NCOR2: variants seen among roughly 807,000 people sequenced by gnomAD.
NCOR2 encodes the protein CTG repeat protein 26.
Under a neutral mutation model 262.9 loss-of-function variants are expected in NCOR2, and 81 were observed. The ratio of observed to expected loss-of-function variants is 0.31; its 90% CI spans 0.26 to 0.37. NCOR2 has a LOEUF of 0.37. Ranked by LOEUF, NCOR2 falls within the 10% of genes least tolerant of loss-of-function variation. NCOR2 has a pLI of 1.00. For missense variants in NCOR2, 3,385 were observed against 3,621.4 expected, an observed-to-expected ratio of 0.93 and a Z score of 1.68; for synonymous variants, 1,659 against 1,559.3, an observed-to-expected ratio of 1.06 and a Z score of -1.51.
rs769821029 is a variant in NCOR2, at chr12:124,531,225, A to G, written c.-118+4340T>C. Among the ~76,000 whole-genome samples the G allele has an allele frequency of 1.3e-5, 2 of 152,212 alleles. No homozygotes were observed. Among genetic ancestry groups the G allele is most frequent in the Admixed American group, 1.3e-4 (2 of 15,294 alleles). On this transcript the variant is annotated intron_variant, in intron 1 of 46. Transcript: ENST00000404621. This position sits in a 1 kb window ranked among gnomAD's most constrained non-coding sequence, Gnocchi z 4.5. ...GCCAGAGCCCACCCGTTTATGAAAGAAAATGATAATAATAATAGAAGGACA... is the reference window on the plus strand; with the variant it reads ...GCCAGAGCCCACCCGTTTATGAAAGGAAATGATAATAATAATAGAAGGACA...
chr12:124,429,627 G>T (rs1301734474), exon 10 of NCOR2: 39 of 1,606,340 alleles, frequency 2.4e-5, no homozygotes, highest in Non-Finnish European at 3.1e-5. Context: ...TGCTCTGAGA[G>T]GCCATCGATG....
At chr12:124,557,790 T>C (rs701025) in intron 1 of NCOR2, among the ~76,000 whole-genome samples, 31,056 of 151,932 alleles carry the variant, frequency 0.2, 3,317 homozygotes, top group African/African-American at 0.24. Flanking sequence ...CCTCCCCTGG[T>C]TTACCCAGCA....
intron 1 of NCOR2, among the ~76,000 whole-genome samples, chr12:124,524,571 C>G (rs886464678): frequency 5.3e-5 from 8 of 152,228 alleles, no homozygotes; most frequent in Non-Finnish European, 1.2e-4. Flanking sequence ...CTCCCAGAGG[C>G]ATTGTTTGAG....
rs1037799677 is a variant in NCOR2, at chr12:124,482,237, C to T, written c.411+1359G>A. 6.6e-6 allele frequency among the ~76,000 whole-genome samples: 1 copy of T among 152,138 alleles called. No homozygotes were observed. The highest frequency in any genetic ancestry group is 6.5e-5 in the Admixed American group (1 of 15,280). On this transcript the variant is annotated intron_variant, in intron 3 of 46. Coordinates refer to ENST00000405201, the Ensembl canonical transcript of NCOR2. The surrounding 1 kb of genome is among the most constrained non-coding windows in gnomAD (Gnocchi z 6.3). ...AAGCCAGCCAACGACCACACAGACACCCCAGCCCCTCCCTCCCCTGGCCCC... is the reference window on the plus strand; with the variant it reads ...AAGCCAGCCAACGACCACACAGACATCCCAGCCCCTCCCTCCCCTGGCCCC...
rs1415238711 is a variant in NCOR2, at chr12:124,400,528, T to A, written c.1786A>T (p.Ile596Phe). 4.3e-6 allele frequency: 7 copies of A among 1,613,964 alleles called. No individual in the cohort carries two copies. In the African/African-American group the frequency reaches 5.3e-5, roughly 12 times the overall value. Residue 596 changes from isoleucine to phenylalanine, a missense_variant, in exon 15 of 47, where the codon ATC becomes TTC. Ile to Phe is a conservative substitution (Grantham distance 21). This residue lies in a region of NCOR2 where 515 missense variants were observed against 781.2 expected (regional missense o/e 0.66). Coordinates refer to ENST00000405201, the Ensembl canonical transcript of NCOR2. ...AGCTCGGCGCTCTGCTGGGGGGTGA[T>A]GGCCTCCTCGCTGTTGGCCTCATTA...
At chr12:124,332,588 C>G (rs116572756) in intron 42 of NCOR2, 121 bp from the exon 45 acceptor site, 9 of 1,247,458 alleles carry the variant, frequency 7.2e-6, no homozygotes, top group East Asian at 2.4e-5. Flanking sequence ...CCCGCCCCCA[C>G]GCCTGCATCC....
exon 20 of NCOR2, chr12:124,372,295 GGCTTCTGCTCCTCCC>G (rs762533076): frequency 1.3e-6 from 2 of 1,540,978 alleles, no homozygotes; most frequent in Non-Finnish European, 8.7e-7. Flanking sequence ...AGCCGCGGGG[GGCTTCTGCTCCTCCC>G]CCTCCTCCAC....
intron 18 of NCOR2, among the ~76,000 whole-genome samples, chr12:124,375,362 G>T (rs1052443768): frequency 2.6e-5 from 4 of 152,178 alleles, no homozygotes; most frequent in Non-Finnish European, 4.4e-5. Flanking sequence ...TTATCAAGGG[G>T]GTCTGGGGCA....
chr12:124,515,164 C>G (rs192381454), intron 1 of NCOR2, among the ~76,000 whole-genome samples: 309 of 152,236 alleles, frequency 2.0e-3, no homozygotes, highest in African/African-American at 7.0e-3. Flanking sequence ...TCCAAGGGAC[C>G]AAGCTCAGTT....
rs1409802070 is a variant in NCOR2 at position 124,566,343 on chromosome 12, A to G, written c.-165+965T>C. ...CGGGAGGACACTCGCTTCCAAAAAA[A>G]TAAACCTACAATGTAAAAATAACGC... On this transcript the variant is annotated intron_variant, in intron 1 of 32. Transcript: ENST00000458234. This position sits in a 1 kb window ranked among gnomAD's most constrained non-coding sequence, Gnocchi z 4.3. Among the ~76,000 whole-genome samples the G allele has an allele frequency of 2.0e-5, 3 of 152,202 alleles. No individual in the cohort carries two copies. The highest frequency in any genetic ancestry group is 4.4e-5 in the Non-Finnish European group (3 of 68,028).
In NCOR2 at chr12:124,354,811, C is replaced by G. The variant is rs1005023860; in HGVS notation, c.3484+26G>C. The G allele has an allele frequency of 3.1e-6, 5 of 1,606,084 alleles. No homozygotes were observed. In the African/African-American group the frequency reaches 5.4e-5, roughly 17 times the overall value. ...ACAGCCAGAGCCCAGCCTGAGCCAC[C>G]CAGACGGATGGGCCAGGAGCCTTAC... On this transcript the variant is annotated intron_variant, in intron 25 of 46. Transcript: ENST00000405201.
chr12:124,433,414 C>T (rs768172662), intron 8 of NCOR2, among the ~76,000 whole-genome samples: 4 of 152,268 alleles, frequency 2.6e-5, no homozygotes, highest in South Asian at 2.1e-4. Context: ...TGCAGACCAG[C>T]GGGCGGAAGC....
chr12:124,489,149 C>T (rs932486269), intron 1 of NCOR2, among the ~76,000 whole-genome samples: 6 of 152,048 alleles, frequency 3.9e-5, no homozygotes, highest in Admixed American at 3.9e-4. Context: ...AGAAACTGAC[C>T]TGAGGTGGAG....
At chr12:124,493,962 G>A (rs2048235982) in intron 1 of NCOR2, among the ~76,000 whole-genome samples, 1 of 152,138 alleles carries the variant, frequency 6.6e-6, no homozygotes. Flanking sequence ...CTCTTTCACA[G>A]GGCCGCCCAG....
chr12:124,458,147 G>A (rs983002800), intron 5 of NCOR2, among the ~76,000 whole-genome samples: 1 of 152,234 alleles, frequency 6.6e-6, no homozygotes, highest in South Asian at 2.1e-4. Flanking sequence ...CGGACAGGCC[G>A]CAGAAGTCAC....
chr12:124,561,199 G>A (rs2052058917), intron 1 of NCOR2, among the ~76,000 whole-genome samples: 1 of 152,212 alleles, frequency 6.6e-6, no homozygotes, highest in Admixed American at 6.5e-5. Context: ...TCCTGCTCCA[G>A]GAGAAGTGAC....
At chr12:124,557,516 C>A (rs1421424656) in intron 1 of NCOR2, among the ~76,000 whole-genome samples, 1 of 152,150 alleles carries the variant, frequency 6.6e-6, no homozygotes, top group African/African-American at 2.4e-5. Context: ...TTAGGGCCCA[C>A]CCTGCTCCAG....
At chr12:124,511,844 C>T (rs1304141783) in intron 1 of NCOR2, among the ~76,000 whole-genome samples, 2 of 152,212 alleles carry the variant, frequency 1.3e-5, no homozygotes, top group Non-Finnish European at 2.9e-5. Context: ...AGACTGGCGT[C>T]GCCAGCTGTG....
intron 17 of NCOR2, among the ~76,000 whole-genome samples, chr12:124,381,721 C>T (rs1371001163): frequency 6.6e-6 from 1 of 152,216 alleles, no homozygotes; most frequent in Non-Finnish European, 1.5e-5. Flanking sequence ...GCCTGTGCAG[C>T]CTCAGGTAGA....
Sources: gnomAD v4.1 joint callset for allele counts (sites outside exome capture counted in the v4.1 genomes callset) on GRCh38, gnomAD v4.1.1 for gene constraint, gnomAD v4.1.1 regional missense constraint, Gnocchi (gnomAD v3.1) non-coding constraint, MANE v1.5 for transcripts, NCBI Gene and HGNC (gene_info 2026-07-23, HGNC 2026-07-21) for gene names.